Variants in GRID2 observed in about 807,000 individuals in gnomAD.
GRID2 encodes the protein glutamate receptor ionotropic, delta-2.
A neutral mutation model predicts 114.8 loss-of-function variants in GRID2; 33 were observed. The observed-to-expected ratio is 0.29, with a 90% CI of 0.22 to 0.38. GRID2 has a LOEUF of 0.38. Ranked by LOEUF, GRID2 falls within the 10% of genes least tolerant of loss-of-function variation. The pLI is 1.00. For synonymous variants in GRID2, 505 were observed against 449.9 expected (o/e 1.12, Z -1.55); for missense variants, 1,184 against 1,257.7 (o/e 0.94, Z 0.89).
chr4:93,520,283 A>G (rs1169724838), intron 13 of GRID2, among the ~76,000 whole-genome samples: 1 of 152,184 alleles, frequency 6.6e-6, no homozygotes, highest in African/African-American at 2.4e-5. Flanking sequence ...AGTGAAGAGA[A>G]GATAACAGAC....
At chr4:92,886,971 C>A (rs923491152) in intron 2 of GRID2, among the ~76,000 whole-genome samples, 3 of 152,122 alleles carry the variant, frequency 2.0e-5, no homozygotes, top group Non-Finnish European at 4.4e-5. Context: ...CTGTTGAAAT[C>A]ACTAATCTAA....
chr4:92,676,324 T>G (rs183410615), intron 2 of GRID2, among the ~76,000 whole-genome samples: 1 of 151,664 alleles, frequency 6.6e-6, no homozygotes, highest in Non-Finnish European at 1.5e-5. Flanking sequence ...GGACTACAGG[T>G]GCCCACCACA....
At chr4:93,063,412 A>G (rs955637192) in intron 2 of GRID2, among the ~76,000 whole-genome samples, 4 of 151,912 alleles carry the variant, frequency 2.6e-5, no homozygotes, top group South Asian at 2.1e-4. Context: ...AAACTTTAGG[A>G]GTATTTACTC....
At chr4:92,712,407 A>G (rs926035176) in intron 2 of GRID2, among the ~76,000 whole-genome samples, 2 of 152,064 alleles carry the variant, frequency 1.3e-5, no homozygotes, top group Non-Finnish European at 2.9e-5. Context: ...ATTATTTCTA[A>G]GAGTTTGCAC....
chr4:92,447,387 T>C (rs1404657169), intron 1 of GRID2, among the ~76,000 whole-genome samples: 1 of 152,126 alleles, frequency 6.6e-6, no homozygotes, highest in African/African-American at 2.4e-5. Context: ...AAGGGCAGAT[T>C]GTGTGCATCT....
chr4:92,762,949 C>A (rs1278033598), intron 2 of GRID2, among the ~76,000 whole-genome samples: 2 of 152,278 alleles, frequency 1.3e-5, no homozygotes, highest in African/African-American at 4.8e-5. Flanking sequence ...TCTTCCCCAT[C>A]TAACCAGTGT....
At chr4:92,484,106 A>G (rs1435806132) in intron 1 of GRID2, among the ~76,000 whole-genome samples, 1 of 152,162 alleles carries the variant, frequency 6.6e-6, no homozygotes, top group East Asian at 1.9e-4. Context: ...GGAAGGATGG[A>G]GGGGGAGAAA....
intron 2 of GRID2, among the ~76,000 whole-genome samples, chr4:92,943,767 T>G (rs2149541382): frequency 6.6e-6 from 1 of 152,296 alleles, no homozygotes; most frequent in South Asian, 2.1e-4. Flanking sequence ...GGTGTGGATG[T>G]CATTTTTGTT....
intron 13 of GRID2, among the ~76,000 whole-genome samples, chr4:93,572,816 C>G (rs1298038275): frequency 1.3e-5 from 2 of 152,014 alleles, no homozygotes; most frequent in African/African-American, 4.8e-5. Flanking sequence ...AGAGGGGTTG[C>G]CATATTGGGT....
chr4:92,365,338 A>T (rs1038137270), intron 1 of GRID2, among the ~76,000 whole-genome samples: 1 of 152,086 alleles, frequency 6.6e-6, no homozygotes, highest in Non-Finnish European at 1.5e-5. Context: ...GATGGCATGG[A>T]TGAATCTAGA....
chr4:92,610,603 T>C (rs1230017529), intron 2 of GRID2, among the ~76,000 whole-genome samples: 2 of 151,634 alleles, frequency 1.3e-5, no homozygotes. Context: ...CATCATTTAG[T>C]TCATCTTATT....
At chr4:93,407,380 A>G (rs1342694956) in intron 9 of GRID2, among the ~76,000 whole-genome samples, 1 of 141,984 alleles carries the variant, frequency 7.0e-6, no homozygotes, top group Non-Finnish European at 1.5e-5. Context: ...TGGAAGTCCC[A>G]GAAATGGAAA....
rs139271479 is a variant in GRID2, at chr4:93,364,332, C to T, written c.1246-31275C>T. Among the ~76,000 whole-genome samples the T allele has an allele frequency of 8.2e-4, 125 of 152,036 alleles. 1 individual carries two copies. In the East Asian group the frequency reaches 0.022, roughly 27 times the overall value. On this transcript the variant is annotated intron_variant, in intron 8 of 15. Transcript: ENST00000282020. The stretch of plus-strand genomic sequence containing the variant: ...TAAAAATAGGCTTTTTTAAAAAAAT[C>T]AATTTTGCCTGTGACTTAGTGAGCT...
intron 1 of GRID2, among the ~76,000 whole-genome samples, chr4:93,788,138 G>A (rs997128208): frequency 6.6e-6 from 1 of 151,948 alleles, no homozygotes; most frequent in Non-Finnish European, 1.5e-5. Flanking sequence ...TCAACATGGC[G>A]AAACCCCGTC....
rs528821613 is a variant in GRID2, at chr4:93,149,402, T to C, written c.735+38449T>C. Among the ~76,000 whole-genome samples the C allele has an allele frequency of 6.6e-5, 10 of 152,026 alleles. 1 individual carries two copies. In the South Asian group the frequency reaches 2.1e-3, roughly 32 times the overall value. Reference sequence around the variant, plus strand: ...CAACTTGGCCAAAATGGTGAGAAGTTGTCTCTAGTGAAAATACAAAAAAAT... The same window carrying C: ...CAACTTGGCCAAAATGGTGAGAAGTCGTCTCTAGTGAAAATACAAAAAAAT... On this transcript the variant is annotated intron_variant, in intron 4 of 15. Coordinates refer to ENST00000282020, the MANE Select transcript of GRID2 (RefSeq NM_001510.4).
intron 14 of GRID2, among the ~76,000 whole-genome samples, chr4:93,752,194 T>C (rs1303459322): frequency 1.3e-5 from 2 of 152,152 alleles, no homozygotes; most frequent in African/African-American, 2.4e-5. Context: ...TACCACATAA[T>C]GTGGTGAACA....
At chr4:92,983,090 T>C (rs1754315436) in intron 2 of GRID2, among the ~76,000 whole-genome samples, 1 of 152,146 alleles carries the variant, frequency 6.6e-6, no homozygotes, top group South Asian at 2.1e-4. Context: ...ATGGTGGTTT[T>C]AGGAATATTC....
intron 3 of GRID2, among the ~76,000 whole-genome samples, chr4:93,096,080 G>A (rs1731204339): frequency 6.6e-6 from 1 of 151,888 alleles, no homozygotes; most frequent in South Asian, 2.1e-4. Flanking sequence ...CATAGAGTGG[G>A]GTTGATTGTT....
At chr4:93,767,204 G>C (rs1188074694) in intron 14 of GRID2, among the ~76,000 whole-genome samples, 1 of 152,150 alleles carries the variant, frequency 6.6e-6, no homozygotes, top group East Asian at 1.9e-4. Context: ...TTTTCTGCTG[G>C]TCTTCTGAGA....
Sources: allele counts gnomAD v4.1 joint callset (sites outside exome capture counted in the v4.1 genomes callset), GRCh38; gene constraint gnomAD v4.1.1; transcripts MANE v1.5; gene names NCBI Gene and HGNC (gene_info 2026-07-23, HGNC 2026-07-21).